TCF4: variants seen among roughly 807,000 people sequenced by gnomAD.
TCF4 encodes SL3-3 enhancer factor 2.
Under a neutral mutation model 82.1 loss-of-function variants are expected in TCF4, and 3 were observed. The ratio of observed to expected loss-of-function variants is 0.04; its 90% CI spans 0.02 to 0.09. The LOEUF is 0.09. Ranked by LOEUF, TCF4 falls within the 10% of genes least tolerant of loss-of-function variation. TCF4 has a pLI of 1.00. For missense variants in TCF4, 518 were observed against 852.7 expected (o/e 0.61, Z 4.89); for synonymous variants, 276 against 309.6 (o/e 0.89, Z 1.14).
At chr18:55,362,209 A>G (rs1339343826) in intron 6 of TCF4, among the ~76,000 whole-genome samples, 1 of 151,958 alleles carries the variant, frequency 6.6e-6, no homozygotes, top group Admixed American at 6.6e-5. Flanking sequence ...TTCAGAGGCC[A>G]AGGTGGGAGA....
chr18:55,267,540 TC>T (rs1438140667), intron 11 of TCF4: 1 of 152,182 alleles, frequency 6.6e-6, no homozygotes, highest in Non-Finnish European at 1.5e-5. Flanking sequence ...GCTTAAATTT[TC>T]CTCTGCATTT....
chr18:55,593,399 A>T (rs1261350968), upstream of TCF4, among the ~76,000 whole-genome samples: 1 of 152,256 alleles, frequency 6.6e-6, no homozygotes, highest in Admixed American at 6.5e-5. Flanking sequence ...AGCTGAATTA[A>T]TGCCTAAAGA....
At chr18:55,365,244 T>G (rs1388004826) in intron 6 of TCF4, among the ~76,000 whole-genome samples, 2 of 134,388 alleles carry the variant, frequency 1.5e-5, no homozygotes, top group African/African-American at 6.1e-5. Context: ...TATATATATG[T>G]GTGTGTATAT....
At chr18:55,401,722 C>T in intron 6 of TCF4, 1 of 986,096 alleles carries the variant, frequency 1.0e-6, no homozygotes, top group Non-Finnish European at 1.2e-6. Flanking sequence ...AGTTAAGGGG[C>T]CTCACGCTTA....
intron 3 of TCF4, among the ~76,000 whole-genome samples, chr18:55,549,534 G>A (rs148727859): frequency 6.6e-6 from 1 of 152,204 alleles, no homozygotes; most frequent in African/African-American, 2.4e-5. Context: ...AAACAAAGAT[G>A]CAAATGCATA....
At chr18:55,632,038 T>TG (rs202031825) in intron 1 of TCF4, among the ~76,000 whole-genome samples, 6 of 152,114 alleles carry the variant, frequency 3.9e-5, no homozygotes, top group Admixed American at 1.3e-4. Context: ...TTGTTGTTGT[T>TG]TTTGTTTTGT....
At chr18:55,293,503 A>G (rs888037797) in intron 8 of TCF4, among the ~76,000 whole-genome samples, 8 of 152,194 alleles carry the variant, frequency 5.3e-5, no homozygotes, top group Admixed American at 3.3e-4. Context: ...GCTATAAATA[A>G]TGATCCCTAA....
chr18:55,470,400 C>T (rs80117242), intron 3 of TCF4, among the ~76,000 whole-genome samples: 215 of 152,306 alleles, frequency 1.4e-3, no homozygotes, highest in Non-Finnish European at 2.1e-3. Flanking sequence ...CTACCTTCTC[C>T]GTGACCCTGT....
At chr18:55,545,742 G>A (rs534959598) in intron 3 of TCF4, among the ~76,000 whole-genome samples, 12 of 152,122 alleles carry the variant, frequency 7.9e-5, no homozygotes, top group Admixed American at 5.2e-4. Context: ...GAGACACCAC[G>A]CCCGGCGCCA....
At chr18:55,558,698 C>T (rs983003617) in intron 3 of TCF4, among the ~76,000 whole-genome samples, 9 of 152,046 alleles carry the variant, frequency 5.9e-5, no homozygotes, top group Admixed American at 2.0e-4. Flanking sequence ...CTCATTAAAA[C>T]GCAGATTCTG....
chr18:55,370,214 A>G (rs988276676), intron 6 of TCF4, among the ~76,000 whole-genome samples: 1 of 152,210 alleles, frequency 6.6e-6, no homozygotes, highest in Non-Finnish European at 1.5e-5. Flanking sequence ...CCTAAGCAGC[A>G]CAGCAAGACT....
At chr18:55,491,086 A>G (rs929501134) in intron 3 of TCF4, among the ~76,000 whole-genome samples, 2 of 152,236 alleles carry the variant, frequency 1.3e-5, no homozygotes, top group Admixed American at 1.3e-4. Flanking sequence ...TTGAGAAAAC[A>G]ATGAAAACTA....
intron 9 of TCF4, among the ~76,000 whole-genome samples, chr18:55,277,887 A>G (rs1313316259): frequency 6.6e-6 from 1 of 152,134 alleles, no homozygotes; most frequent in East Asian, 1.9e-4. Context: ...AAAACAGGGG[A>G]CTGATGCTGA....
intron 16 of TCF4, among the ~76,000 whole-genome samples, chr18:55,234,042 C>G (rs377227268): frequency 1.3e-5 from 2 of 152,052 alleles, no homozygotes; most frequent in African/African-American, 4.8e-5. Flanking sequence ...AGCCCAACTT[C>G]CTGGGGTCAT....
At chr18:55,563,664 C>G (rs1039637649) in intron 3 of TCF4, among the ~76,000 whole-genome samples, 15 of 152,242 alleles carry the variant, frequency 9.9e-5, no homozygotes, top group African/African-American at 3.4e-4. Context: ...CTCTGAATCT[C>G]AGCTCCTCTT....
At chr18:55,470,250 C>T (rs1290385760) in intron 3 of TCF4, among the ~76,000 whole-genome samples, 2 of 152,150 alleles carry the variant, frequency 1.3e-5, no homozygotes, top group Non-Finnish European at 2.9e-5. Context: ...TCATGAGTGC[C>T]TAATTTAATA....
Position 55,319,469 on chromosome 18 carries a change from T to A in TCF4, c.549+30890A>T, listed in dbSNP as rs776626951. ...TCATAAAGCTAAGATGGACAACTGG[T>A]AGCCATCCGCAGTTTCAAAAGCTTT... On this transcript the variant is annotated intron_variant, in intron 8 of 19. Transcript: ENST00000354452. 4.6e-4 allele frequency among the ~76,000 whole-genome samples: 70 copies of A among 152,212 alleles called. 1 individual carries two copies. Among genetic ancestry groups the A allele is most frequent in the Non-Finnish European group, 1.2e-4 (8 of 68,024 alleles).
intron 6 of TCF4, among the ~76,000 whole-genome samples, chr18:55,369,578 C>T (rs969268478): frequency 6.6e-6 from 1 of 152,218 alleles, no homozygotes; most frequent in Non-Finnish European, 1.5e-5. Context: ...ACATTCCCCA[C>T]AAGCACATCA....
chr18:55,251,872 G>C (rs2055236778), intron 15 of TCF4, among the ~76,000 whole-genome samples: 1 of 149,732 alleles, frequency 6.7e-6, no homozygotes, highest in Non-Finnish European at 1.5e-5. Context: ...TTCAAATGTG[G>C]AAAACATTAC....
Sources: allele counts gnomAD v4.1 joint callset (sites outside exome capture counted in the v4.1 genomes callset), GRCh38; gene constraint gnomAD v4.1.1; transcripts MANE v1.5; gene names NCBI Gene and HGNC (gene_info 2026-07-23, HGNC 2026-07-21).